Variants in PRKCA observed in about 807,000 individuals in gnomAD.
PRKCA encodes protein kinase C alpha type.
In PRKCA, 27 loss-of-function variants were observed where a neutral mutation model predicts 87.0. The observed-to-expected ratio is 0.31, with a 90% CI of 0.23 to 0.43. PRKCA has a LOEUF of 0.43. PRKCA is among the 20% of genes least tolerant of loss of function. PRKCA has a pLI of 1.00. For synonymous variants in PRKCA, 329 were observed against 311.1 expected (o/e 1.06, Z -0.61); for missense variants, 518 against 852.3 (o/e 0.61, Z 4.88).
intron 16 of PRKCA, among the ~76,000 whole-genome samples, chr17:66,797,731 G>A (rs997310268): frequency 5.9e-5 from 9 of 152,176 alleles, no homozygotes; most frequent in African/African-American, 1.7e-4. Flanking sequence ...CTTGGGTGCC[G>A]ACATCGCCTG....
intron 2 of PRKCA, among the ~76,000 whole-genome samples, chr17:66,353,963 C>G (rs1025571383): frequency 6.6e-6 from 1 of 152,016 alleles, no homozygotes; most frequent in African/African-American, 2.4e-5. Context: ...ATGTCAGAGA[C>G]AGGTTTTATG....
intron 8 of PRKCA, among the ~76,000 whole-genome samples, chr17:66,699,341 G>A (rs534829004): frequency 2.6e-5 from 4 of 152,082 alleles, no homozygotes; most frequent in African/African-American, 9.6e-5. Flanking sequence ...AGAAATGAAG[G>A]AGACATTGCA....
Position 66,404,382 on chromosome 17 carries a change from G to A in PRKCA, c.206-91819G>A, listed in dbSNP as rs557015862. ...CTATTCTTGACTCCTTCATGGGGGCGGCGGAGGGGAAAGCTTCCTATGATA... is the reference window on the plus strand; with the variant it reads ...CTATTCTTGACTCCTTCATGGGGGCAGCGGAGGGGAAAGCTTCCTATGATA... On this transcript the variant is annotated intron_variant, in intron 2 of 16. Coordinates refer to ENST00000413366, the MANE Select transcript of PRKCA (RefSeq NM_002737.3). Among the ~76,000 whole-genome samples, 31 of 152,266 alleles carry A rather than the reference G, an allele frequency of 2.0e-4. 1 individual carries two copies. The highest frequency in any genetic ancestry group is 7.0e-4 in the African/African-American group (29 of 41,566).
intron 2 of PRKCA, among the ~76,000 whole-genome samples, chr17:66,327,366 CA>C (rs769256839): frequency 0.14 from 10,870 of 80,034 alleles, 573 homozygotes; most frequent in East Asian, 0.3. Context: ...AACTCTGTCT[CA>C]AAAAAAAAAA....
rs533560727 is a variant in PRKCA, at chr17:66,371,367, A to G, written c.205+65240A>G. 1.3e-3 allele frequency among the ~76,000 whole-genome samples: 196 copies of G among 152,320 alleles called. 1 individual carries two copies. The highest frequency in any genetic ancestry group is 4.3e-3 in the African/African-American group (178 of 41,572). On this transcript the variant is annotated intron_variant, in intron 2 of 16. Coordinates refer to ENST00000413366, the MANE Select transcript of PRKCA (RefSeq NM_002737.3). ...TTTTCTGTGTGTTTGTGAAATGACC[A>G]TTCTGAAGTTCAGATCCACATATAA... is the stretch of plus-strand genomic sequence containing the variant.
chr17:66,680,949 C>T (rs1972473976), intron 5 of PRKCA, among the ~76,000 whole-genome samples: 1 of 152,222 alleles, frequency 6.6e-6, no homozygotes, highest in Admixed American at 6.5e-5. Context: ...CCTGGAGGGA[C>T]TGGGTGCAGT....
chr17:66,717,228 T>C (rs1206545104), intron 8 of PRKCA, among the ~76,000 whole-genome samples: 1 of 152,230 alleles, frequency 6.6e-6, no homozygotes, highest in African/African-American at 2.4e-5. Context: ...AGCGGCTGCC[T>C]GTCTTCACCA....
intron 2 of PRKCA, among the ~76,000 whole-genome samples, chr17:66,475,597 C>T (rs1227809182): frequency 6.6e-6 from 1 of 152,158 alleles, no homozygotes; most frequent in East Asian, 1.9e-4. Context: ...AGTTCGGCAT[C>T]GAGGTATGGA....
At chr17:66,447,513 G>A (rs749744138) in intron 2 of PRKCA, among the ~76,000 whole-genome samples, 4 of 152,180 alleles carry the variant, frequency 2.6e-5, no homozygotes, top group Non-Finnish European at 4.4e-5. Flanking sequence ...GTGGGATGGC[G>A]TTTTCTTGCT....
chr17:66,667,910 C>A (rs1972081809), intron 5 of PRKCA, among the ~76,000 whole-genome samples: 1 of 152,174 alleles, frequency 6.6e-6, no homozygotes, highest in Non-Finnish European at 1.5e-5. Flanking sequence ...TCTCTTATGT[C>A]CCTCTGAAAT....
chr17:66,519,962 T>A (rs969036422), intron 3 of PRKCA, among the ~76,000 whole-genome samples: 1 of 152,198 alleles, frequency 6.6e-6, no homozygotes, highest in Non-Finnish European at 1.5e-5. Context: ...ACTTCACTGT[T>A]AAAATAAGGT....
intron 13 of PRKCA, among the ~76,000 whole-genome samples, chr17:66,751,026 T>C (rs750943506): frequency 2.6e-5 from 4 of 152,234 alleles, no homozygotes; most frequent in Non-Finnish European, 5.9e-5. Context: ...GTTAGATTTT[T>C]ACTCCTGGTA....
rs1171037738 is a variant in PRKCA, at chr17:66,339,315, T to G, written c.205+33188T>G. On this transcript the variant is annotated intron_variant, in intron 2 of 16. Transcript: ENST00000413366. ...TTTATTTGCAGAAATAGTTAATCTA[T>G]CTTTCTTTTAAAATTAACGCCTTCT... 2.0e-5 allele frequency among the ~76,000 whole-genome samples: 3 copies of G among 152,230 alleles called. No homozygotes were observed. In the East Asian group the frequency reaches 5.8e-4, roughly 29 times the overall value.
intron 3 of PRKCA, among the ~76,000 whole-genome samples, chr17:66,623,468 G>A (rs977312126): frequency 1.3e-5 from 2 of 152,204 alleles, no homozygotes; most frequent in East Asian, 1.9e-4. Flanking sequence ...CAGCAAACAT[G>A]TATTGAGCTC....
intron 9 of PRKCA, among the ~76,000 whole-genome samples, chr17:66,733,246 T>A (rs894039095): frequency 6.6e-6 from 1 of 151,842 alleles, no homozygotes; most frequent in African/African-American, 2.4e-5. Context: ...TTATTGGTGG[T>A]ATCAGTTTGC....
At chr17:66,633,424 G>A (rs1428733127) in intron 3 of PRKCA, among the ~76,000 whole-genome samples, 1 of 152,146 alleles carries the variant, frequency 6.6e-6, no homozygotes, top group Admixed American at 6.5e-5. Flanking sequence ...TAGTCAGCAT[G>A]TGGGTGACAT....
intron 3 of PRKCA, among the ~76,000 whole-genome samples, chr17:66,511,144 G>T (rs1447209875): frequency 2.0e-5 from 3 of 152,064 alleles, no homozygotes; most frequent in Non-Finnish European, 4.4e-5. Flanking sequence ...GCACTTCCAA[G>T]TCCCAAGCCT....
chr17:66,522,731 T>C (rs961716429), intron 3 of PRKCA, among the ~76,000 whole-genome samples: 4 of 151,768 alleles, frequency 2.6e-5, no homozygotes, highest in African/African-American at 9.7e-5. Flanking sequence ...GTGTCTGTTC[T>C]GAAGTTTGGG....
chr17:66,565,881 C>G (rs1406750702), intron 3 of PRKCA, among the ~76,000 whole-genome samples: 1 of 152,012 alleles, frequency 6.6e-6, no homozygotes, highest in Non-Finnish European at 1.5e-5. Context: ...GTTTTTGAGT[C>G]CGTTGACTAC....
Sources: allele counts gnomAD v4.1 joint callset (sites outside exome capture counted in the v4.1 genomes callset), GRCh38; gene constraint gnomAD v4.1.1; transcripts MANE v1.5; gene names NCBI Gene and HGNC (gene_info 2026-07-23, HGNC 2026-07-21).